The following LMO7 variants were observed in gnomAD, a reference collection of about 807,000 sequenced individuals.
LMO7 encodes the protein LIM domain 7.
Under a neutral mutation model 206.5 loss-of-function variants are expected in LMO7, and 120 were observed. The observed-to-expected ratio is 0.58, with a 90% CI of 0.50 to 0.68. LMO7 has a LOEUF of 0.68. LMO7 is among the 30% of genes least tolerant of loss of function. The pLI is 0.00. For synonymous variants in LMO7, 706 were observed against 681.5 expected, an observed-to-expected ratio of 1.04 and a Z score of -0.56; for missense variants, 1,959 against 1,957.9, an observed-to-expected ratio of 1.00 and a Z score of -0.01.
intron 1 of LMO7, among the ~76,000 whole-genome samples, chr13:75,664,067 ACTAGGACTTATT>A (rs2038883441): frequency 6.6e-6 from 1 of 152,132 alleles, no homozygotes; most frequent in African/African-American, 2.4e-5. Flanking sequence ...CCTAGCAAAT[ACTAGGACTTATT>A]CCTTCTTTTG....
At chr13:75,678,213 G>A (rs1361106394) in intron 1 of LMO7, among the ~76,000 whole-genome samples, 2 of 152,154 alleles carry the variant, frequency 1.3e-5, no homozygotes, top group African/African-American at 4.8e-5. Flanking sequence ...CTGAGGAATC[G>A]TCACACTGAC....
intron 4 of LMO7, among the ~76,000 whole-genome samples, chr13:75,781,487 A>T (rs542583844): frequency 1.3e-5 from 2 of 151,728 alleles, no homozygotes; most frequent in African/African-American, 4.8e-5. Context: ...ATAGTATTCC[A>T]TGGTGTATAT....
intron 4 of LMO7, among the ~76,000 whole-genome samples, chr13:75,771,115 C>A (rs138825987): frequency 0.013 from 1,913 of 152,170 alleles, 42 homozygotes; most frequent in African/African-American, 0.041. Flanking sequence ...TGGCAAATAT[C>A]TTCACATTAT....
At chr13:75,661,138 C>T (rs1276342976) in intron 1 of LMO7, among the ~76,000 whole-genome samples, 1 of 152,164 alleles carries the variant, frequency 6.6e-6, no homozygotes, top group Non-Finnish European at 1.5e-5. Context: ...ATATATTTAT[C>T]TCCTTTAAAA....
At chr13:75,685,675 G>T (rs560753074) in intron 1 of LMO7, among the ~76,000 whole-genome samples, 3 of 152,022 alleles carry the variant, frequency 2.0e-5, no homozygotes, top group Non-Finnish European at 4.4e-5. Context: ...TGAATGCATA[G>T]CTCTCTGAGG....
intron 3 of LMO7, chr13:75,760,335 C>T: frequency 1.0e-6 from 1 of 994,328 alleles, no homozygotes; most frequent in Non-Finnish European, 1.2e-6. Flanking sequence ...ACAAACTATG[C>T]AATTTAGCCA....
chr13:75,748,192 A>G (rs1440758315), intron 3 of LMO7, among the ~76,000 whole-genome samples: 1 of 152,306 alleles, frequency 6.6e-6, no homozygotes, highest in Non-Finnish European at 1.5e-5. Context: ...TTGATTTTAA[A>G]TCAATGAGAC....
At chr13:75,767,520 C>A (rs546881714) in intron 4 of LMO7, among the ~76,000 whole-genome samples, 48 of 152,110 alleles carry the variant, frequency 3.2e-4, no homozygotes, top group African/African-American at 1.1e-3. Flanking sequence ...AAGTTACCTG[C>A]CTTAGTACAC....
intron 4 of LMO7, among the ~76,000 whole-genome samples, chr13:75,786,634 C>T (rs2052487863): frequency 6.6e-6 from 1 of 152,100 alleles, no homozygotes; most frequent in African/African-American, 2.4e-5. Flanking sequence ...ATCTGCCCGC[C>T]TCGGCCTCCC....
At chr13:75,840,357 C>T (rs1473168354) in intron 21 of LMO7, 34 bp from the exon 22 acceptor site, 6 of 1,611,054 alleles carry the variant, frequency 3.7e-6, no homozygotes, top group Middle Eastern at 1.7e-4. Context: ...TTATGTTGTT[C>T]TCTATTTGCA....
chr13:75,764,063 T>A (rs181655540), intron 4 of LMO7, among the ~76,000 whole-genome samples: 1 of 152,314 alleles, frequency 6.6e-6, no homozygotes, highest in East Asian at 1.9e-4. Flanking sequence ...GCAGTAGTTT[T>A]AATTTTTTCA....
intron 1 of LMO7, among the ~76,000 whole-genome samples, chr13:75,706,378 T>G (rs749656521): frequency 2.6e-5 from 4 of 152,070 alleles, no homozygotes; most frequent in Non-Finnish European, 5.9e-5. Context: ...TTAGGGGGAG[T>G]CTTAGGTGAG....
chr13:75,713,485 T>G (rs1340520090), intron 2 of LMO7, among the ~76,000 whole-genome samples: 1 of 152,186 alleles, frequency 6.6e-6, no homozygotes, highest in Non-Finnish European at 1.5e-5. Context: ...TATTTTTAAT[T>G]AGTAAACAAG....
At chr13:75,672,213 G>A (rs1039597640) in intron 1 of LMO7, among the ~76,000 whole-genome samples, 3 of 151,334 alleles carry the variant, frequency 2.0e-5, no homozygotes, top group Non-Finnish European at 4.4e-5. Flanking sequence ...TTATATATTG[G>A]CCCATAAAGT....
chr13:75,856,359 A>G, intron 29 of LMO7, 147 bp from the exon 30 acceptor site: 12 of 551,950 alleles, frequency 2.2e-5, no homozygotes, highest in Middle Eastern at 5.0e-4. Flanking sequence ...GAATCTACTA[A>G]TCATCTTTCG....
At chr13:75,683,631 A>G (rs1282899118) in intron 1 of LMO7, among the ~76,000 whole-genome samples, 1 of 152,224 alleles carries the variant, frequency 6.6e-6, no homozygotes, top group Non-Finnish European at 1.5e-5. Flanking sequence ...GACAGGTCTC[A>G]ATCAATTTAG....
intron 2 of LMO7, chr13:75,627,550 TAA>T (rs1415429319): frequency 6.6e-6 from 1 of 152,144 alleles, no homozygotes; most frequent in African/African-American, 2.4e-5. Flanking sequence ...TCTTACCAAA[TAA>T]AGTTAATGAG....
intron 15 of LMO7, among the ~76,000 whole-genome samples, chr13:75,832,173 A>G (rs1595387806): frequency 6.6e-6 from 1 of 152,222 alleles, no homozygotes; most frequent in African/African-American, 2.4e-5. Context: ...AAAACAAAAT[A>G]TGTAAATTAC....
chr13:75,722,364 C>A lies in LMO7; in HGVS notation c.141-4665C>A, dbSNP rs183880839. Among the ~76,000 whole-genome samples, 43 of 152,114 alleles carry A rather than the reference C, an allele frequency of 2.8e-4. 1 individual carries two copies. In the East Asian group the frequency reaches 7.5e-3, roughly 27 times the overall value. ...TCAAACAAATCAAGAAAAAAACAAT[C>A]CCATCAAAAGTGGGCTAAGGACATA... is the stretch of plus-strand genomic sequence containing the variant. On this transcript the variant is annotated intron_variant, in intron 2 of 30. Transcript: ENST00000377534.
Sources: allele counts gnomAD v4.1 joint callset (sites outside exome capture counted in the v4.1 genomes callset), GRCh38; gene constraint gnomAD v4.1.1; transcripts MANE v1.5; gene names NCBI Gene and HGNC (gene_info 2026-07-23, HGNC 2026-07-21).